The following KRTAP3-2 variants were observed in gnomAD, a reference collection of about 807,000 sequenced individuals.
KRTAP3-2 encodes keratin associated protein 3-2, also known as keratin-associated protein 3-2.
In KRTAP3-2, 2 loss-of-function variants were observed where a neutral mutation model predicts 5.4. The observed-to-expected ratio is 0.37, with a 90% CI of 0.15 to 1.17. The LOEUF is 1.17. Ranked by LOEUF, KRTAP3-2 falls within the 50% of genes most tolerant of loss-of-function variation. KRTAP3-2 has a pLI of 0.37. For synonymous variants in KRTAP3-2, 49 were observed against 48.0 expected (o/e 1.02, Z -0.08); for missense variants, 113 against 122.0 (o/e 0.93, Z 0.35).
At position 40,999,775 on chromosome 17, in the gene KRTAP3-2, G is replaced by C; in HGVS notation, c.79C>G (p.Arg27Gly). 6.2e-7 allele frequency: 1 copy of C among 1,613,380 alleles called. No individual in the cohort carries two copies. Among genetic ancestry groups the C allele is most frequent in the Non-Finnish European group, 8.5e-7 (1 of 1,179,592 alleles). ...TTICSSDKSC[R>G]CGVCLPSTCP... Reference sequence around the variant, plus strand: ...GTGCTGGGCAGGCAGACTCCACAGCGGCAGGATTTGTCGGAGGAGCAGATG... The same window carrying C: ...GTGCTGGGCAGGCAGACTCCACAGCCGCAGGATTTGTCGGAGGAGCAGATG... Residue 27 changes from arginine (R) to glycine (G), a missense_variant, in exon 1 of 1, where the codon CGC becomes GGC. Physicochemically the swap from Arg to Gly is moderately radical, Grantham distance 125 (BLOSUM62 -2). Coordinates refer to ENST00000391587, the MANE Select transcript of KRTAP3-2 (RefSeq NM_031959.3).
Position 40,999,609 on chromosome 17 carries a change from A to T in KRTAP3-2, c.245T>A (p.Leu82His), listed in dbSNP as rs1156352757. ...QPTPGLETLNLTTFTQPCCEP... is the reference protein window; with the variant it reads ...QPTPGLETLNHTTFTQPCCEP... ...ACAGCAGGGCTGAGTGAAGGTGGTG[A>T]GGTTGAGGGTCTCCAGGCCCGGAGT... The change falls in exon 1 of 1, where the codon CTC becomes CAC. Residue 82 changes from leucine (L) to histidine (H), a missense_variant. Coordinates refer to ENST00000391587, the MANE Select transcript of KRTAP3-2 (RefSeq NM_031959.3). The T allele has an allele frequency of 6.2e-7, 1 of 1,613,596 alleles. No homozygotes were observed. The highest frequency in any genetic ancestry group is 8.5e-7 in the Non-Finnish European group (1 of 1,179,882).
At position 40,999,726 on chromosome 17, in the gene KRTAP3-2, A is replaced by G. The variant is rs1476683448; in HGVS notation, c.128T>C (p.Leu43Pro). Residue 43 changes from leucine to proline, a missense_variant, in exon 1 of 1, where the codon CTG becomes CCG. Coordinates refer to ENST00000391587, the MANE Select transcript of KRTAP3-2 (RefSeq NM_031959.3). ...ACAGTTGTCACAGCAGATGGGCTCCAGTAACCAAACTGTGTGTGGGCAGGT... is the reference window on the plus strand; with the variant it reads ...ACAGTTGTCACAGCAGATGGGCTCCGGTAACCAAACTGTGTGTGGGCAGGT... ...PSTCPHTVWL[L>P]EPICCDNCPP... The G allele has an allele frequency of 2.5e-6, 4 of 1,613,986 alleles. No individual in the cohort carries two copies. The highest frequency in any genetic ancestry group is 3.4e-6 in the Non-Finnish European group (4 of 1,180,038).
chr17:40,999,468 A>C lies in KRTAP3-2; in HGVS notation c.*89T>G. On this transcript the variant is annotated 3_prime_UTR_variant, in exon 1 of 1. Transcript: ENST00000391587. ...ATATCTGGGTCATCTGGTCTACCTT[A>C]ACATCTGGCAAACTACTGAGGCAAG... is the stretch of plus-strand genomic sequence containing the variant. 1 of 1,546,724 alleles carries C rather than the reference A, an allele frequency of 6.5e-7. No individual in the cohort carries two copies. Among genetic ancestry groups the C allele is most frequent in the Non-Finnish European group, 8.8e-7 (1 of 1,139,260 alleles).
chr17:40,999,430 A>G lies in KRTAP3-2; in HGVS notation c.*127T>C. 2.2e-6 allele frequency: 3 copies of G among 1,355,010 alleles called. No homozygotes were observed. Among genetic ancestry groups the G allele is most frequent in the Non-Finnish European group, 3.0e-6 (3 of 999,722 alleles). The allele number at this position is 1,355,010 out of a possible 1,614,324, so 83.9% of individuals were successfully genotyped here. On this transcript the variant is annotated 3_prime_UTR_variant, in exon 1 of 1. Coordinates refer to ENST00000391587, the MANE Select transcript of KRTAP3-2 (RefSeq NM_031959.3). ...TCTTTTTTTCCCCCATTAAAACCAA[A>G]GGTAAGTTCTTCATATCTGGGTCAT... is the stretch of plus-strand genomic sequence containing the variant.
At position 40,999,415 on chromosome 17, in the gene KRTAP3-2, C is replaced by T. The variant is rs1382687055; in HGVS notation, c.*142G>A. The stretch of plus-strand genomic sequence containing the variant: ...CATAAAAAATACTTTTCTTTTTTTC[C>T]CCCATTAAAACCAAAGGTAAGTTCT... On this transcript the variant is annotated 3_prime_UTR_variant, in exon 1 of 1. Transcript: ENST00000391587. 4.0e-6 allele frequency: 5 copies of T among 1,243,924 alleles called. No individual in the cohort carries two copies. The highest frequency in any genetic ancestry group is 5.7e-5 in the Admixed American group (2 of 35,054). The allele number at this position is 1,243,924 out of a possible 1,614,324, so 77.1% of individuals were successfully genotyped here.
Position 40,999,889 on chromosome 17 carries a change from A to G in KRTAP3-2, c.-36T>C, listed in dbSNP as rs1189600278. On this transcript the variant is annotated 5_prime_UTR_variant, in exon 1 of 1. Coordinates refer to ENST00000391587, the MANE Select transcript of KRTAP3-2 (RefSeq NM_031959.3). Reference sequence around the variant, plus strand: ...GTCTGGTTAGCTTTCAGTTTCTTAGATGAGGATTCTGAGGTACAAATGTCT... The same window carrying G: ...GTCTGGTTAGCTTTCAGTTTCTTAGGTGAGGATTCTGAGGTACAAATGTCT... The G allele has an allele frequency of 6.2e-7, 1 of 1,610,398 alleles. No homozygotes were observed. Among genetic ancestry groups the G allele is most frequent in the South Asian group, 1.1e-5 (1 of 90,524 alleles).
Position 40,999,865 on chromosome 17 carries a change from T to C in KRTAP3-2, c.-12A>G. On this transcript the variant is annotated 5_prime_UTR_variant, in exon 1 of 1. Coordinates refer to ENST00000391587, the MANE Select transcript of KRTAP3-2 (RefSeq NM_031959.3). ...GCACAGCAATCCATGGCAATGGGCG[T>C]CTGGTTAGCTTTCAGTTTCTTAGAT... is the stretch of plus-strand genomic sequence containing the variant. 4 of 1,613,726 alleles carry C rather than the reference T, an allele frequency of 2.5e-6. No individual in the cohort carries two copies. Among genetic ancestry groups the C allele is most frequent in the Non-Finnish European group, 3.4e-6 (4 of 1,179,704 alleles).
Position 40,999,526 on chromosome 17 carries a change from G to A in KRTAP3-2, c.*31C>T, listed in dbSNP as rs1044457141. 8.1e-6 allele frequency: 13 copies of A among 1,606,476 alleles called. No homozygotes were observed. Among genetic ancestry groups the A allele is most frequent in the East Asian group, 2.2e-5 (1 of 44,748 alleles). On this transcript the variant is annotated 3_prime_UTR_variant, in exon 1 of 1. Transcript: ENST00000391587. ...TGAAGGGACAGCTTCTGGATTCTTC[G>A]TTGTCGGGCACTGAGCAAAGTAGCC...
Position 40,999,625 on chromosome 17 carries a change from G to A in KRTAP3-2, c.229C>T (p.Leu77=), listed in dbSNP as rs773868784. Residue 77 remains leucine (L), a synonymous_variant, in exon 1 of 1, where the codon CTG becomes TTG. Coordinates refer to ENST00000391587, the MANE Select transcript of KRTAP3-2 (RefSeq NM_031959.3). ...LLNSCQPTPG[L]ETLNLTTFTQ... is the part of the protein sequence containing the mutation. Reference sequence around the variant, plus strand: ...AAGGTGGTGAGGTTGAGGGTCTCCAGGCCCGGAGTTGGCTGGCAGGAGTTG... The same window carrying A: ...AAGGTGGTGAGGTTGAGGGTCTCCAAGCCCGGAGTTGGCTGGCAGGAGTTG... 4.3e-6 allele frequency: 7 copies of A among 1,613,912 alleles called. No individual in the cohort carries two copies. In the South Asian group the frequency reaches 7.7e-5, roughly 18 times the overall value.
In KRTAP3-2 at chr17:40,999,842, A is replaced by G. The variant is rs2011772251; in HGVS notation, c.12T>C (p.Cys4=). The part of the protein sequence containing the change: MDC[C]ASRSCSVPTG... ...TGGGGACACTGCAGCTGCGAGAGGCACAGCAATCCATGGCAATGGGCGTCT... is the reference window on the plus strand; with the variant it reads ...TGGGGACACTGCAGCTGCGAGAGGCGCAGCAATCCATGGCAATGGGCGTCT... The change falls in exon 1 of 1, where the codon TGT becomes TGC. Residue 4 remains cysteine (C), a synonymous_variant. Transcript: ENST00000391587. 6.2e-7 allele frequency: 1 copy of G among 1,613,996 alleles called. No individual in the cohort carries two copies. The highest frequency in any genetic ancestry group is 1.3e-5 in the African/African-American group (1 of 74,914).
rs2011751290 is a variant in KRTAP3-2 at position 40,999,426 on chromosome 17, C to T, written c.*131G>A. ...CTTTTCTTTTTTTCCCCCATTAAAA[C>T]CAAAGGTAAGTTCTTCATATCTGGG... On this transcript the variant is annotated 3_prime_UTR_variant, in exon 1 of 1. Coordinates refer to ENST00000391587, the MANE Select transcript of KRTAP3-2 (RefSeq NM_031959.3). 4.5e-6 allele frequency: 6 copies of T among 1,341,224 alleles called. No homozygotes were observed. The highest frequency in any genetic ancestry group is 6.1e-6 in the Non-Finnish European group (6 of 989,994). 83.1% of individuals were successfully genotyped at this position (1,341,224 alleles called of 1,614,324 possible).
chr17:40,999,208 A>C lies in KRTAP3-2; in HGVS notation c.*349T>G. 3.9e-6 allele frequency: 1 copy of C among 259,224 alleles called. No individual in the cohort carries two copies. The highest frequency in any genetic ancestry group is 7.3e-6 in the Non-Finnish European group (1 of 137,442). The allele number at this position is 259,224 out of a possible 1,614,324, so 16.1% of individuals were successfully genotyped here. ...ATGACACATCTTGCCAGAGAAATATAGTTTATTGGAAAACCCACCAAGAAA... is the reference window on the plus strand; with the variant it reads ...ATGACACATCTTGCCAGAGAAATATCGTTTATTGGAAAACCCACCAAGAAA... On this transcript the variant is annotated 3_prime_UTR_variant, in exon 1 of 1. Transcript: ENST00000391587.
chr17:40,999,537 C>A lies in KRTAP3-2; in HGVS notation c.*20G>T. On this transcript the variant is annotated 3_prime_UTR_variant, in exon 1 of 1. Transcript: ENST00000391587. ...CTTCTGGATTCTTCGTTGTCGGGCA[C>A]TGAGCAAAGTAGCCATCCATCAGCA... 6.2e-7 allele frequency: 1 copy of A among 1,611,454 alleles called. No homozygotes were observed. Among genetic ancestry groups the A allele is most frequent in the Non-Finnish European group, 8.5e-7 (1 of 1,178,068 alleles).
Position 40,999,632 on chromosome 17 carries a change from A to G in KRTAP3-2, c.222T>C (p.Thr74=), listed in dbSNP as rs2011762167. 26 of 1,613,726 alleles carry G rather than the reference A, an allele frequency of 1.6e-5. No homozygotes were observed. Among genetic ancestry groups the G allele is most frequent in the Non-Finnish European group, 2.0e-5 (24 of 1,179,924 alleles). ...TCFLLNSCQP[T]PGLETLNLTT... ...TGAGGTTGAGGGTCTCCAGGCCCGG[A>G]GTTGGCTGGCAGGAGTTGAGCAGGA... Residue 74 remains threonine (T), a synonymous_variant, in exon 1 of 1, where the codon ACT becomes ACC. Coordinates refer to ENST00000391587, the MANE Select transcript of KRTAP3-2 (RefSeq NM_031959.3).
Position 40,999,567 on chromosome 17 carries a change from C to T in KRTAP3-2, c.287G>A (p.Arg96Lys). 1 of 1,613,788 alleles carries T rather than the reference C, an allele frequency of 6.2e-7. No individual in the cohort carries two copies. Among genetic ancestry groups the T allele is most frequent in the Non-Finnish European group, 8.5e-7 (1 of 1,179,778 alleles). Residue 96 changes from arginine to lysine, a missense_variant, in exon 1 of 1, where the codon AGA becomes AAA. Coordinates refer to ENST00000391587, the MANE Select transcript of KRTAP3-2 (RefSeq NM_031959.3). ...CAAAGTAGCCATCCATCAGCAGCCTCTTGGGAGGCAGGGCTCACAGCAGGG... is the reference window on the plus strand; with the variant it reads ...CAAAGTAGCCATCCATCAGCAGCCTTTTGGGAGGCAGGGCTCACAGCAGGG... Reference protein sequence around the residue: ...TQPCCEPCLPRGC With the variant: ...TQPCCEPCLPKGC
Position 40,999,760 on chromosome 17 carries a change from G to A in KRTAP3-2, c.94C>T (p.Leu32=). 1 of 1,614,124 alleles carries A rather than the reference G, an allele frequency of 6.2e-7. No individual in the cohort carries two copies. Among genetic ancestry groups the A allele is most frequent in the East Asian group, 2.2e-5 (1 of 44,888 alleles). The change falls in exon 1 of 1, where the codon CTG becomes TTG. Residue 32 remains leucine (L), a synonymous_variant. Transcript: ENST00000391587. ...SDKSCRCGVC[L]PSTCPHTVWL... Reference sequence around the variant, plus strand: ...ACTGTGTGTGGGCAGGTGCTGGGCAGGCAGACTCCACAGCGGCAGGATTTG... The same window carrying A: ...ACTGTGTGTGGGCAGGTGCTGGGCAAGCAGACTCCACAGCGGCAGGATTTG...
In KRTAP3-2 at chr17:40,999,830, G is replaced by T. The variant is rs775558921; in HGVS notation, c.24C>A (p.Ser8Arg). 5.6e-6 allele frequency: 9 copies of T among 1,614,054 alleles called. No homozygotes were observed. The Admixed American group carries it at 1.5e-4, about 27-fold the overall frequency. Residue 8 changes from serine to arginine, a missense_variant, in exon 1 of 1, where the codon AGC (serine) becomes AGA (arginine). Ser to Arg is a moderately radical substitution (Grantham distance 110, BLOSUM62 -1). Coordinates refer to ENST00000391587, the MANE Select transcript of KRTAP3-2 (RefSeq NM_031959.3). ...TGGCAGGCCCAGTGGGGACACTGCAGCTGCGAGAGGCACAGCAATCCATGG... is the reference window on the plus strand; with the variant it reads ...TGGCAGGCCCAGTGGGGACACTGCATCTGCGAGAGGCACAGCAATCCATGG... MDCCASRSCSVPTGPATT... is the reference protein window; with the variant it reads MDCCASRRCSVPTGPATT...
Position 40,999,513 on chromosome 17 carries a change from T to C in KRTAP3-2, c.*44A>G. On this transcript the variant is annotated 3_prime_UTR_variant, in exon 1 of 1. Transcript: ENST00000391587. ...GGCAAGTGAATACTGAAGGGACAGCTTCTGGATTCTTCGTTGTCGGGCACT... is the reference window on the plus strand; with the variant it reads ...GGCAAGTGAATACTGAAGGGACAGCCTCTGGATTCTTCGTTGTCGGGCACT... 6.2e-7 allele frequency: 1 copy of C among 1,600,384 alleles called. No homozygotes were observed. Among genetic ancestry groups the C allele is most frequent in the African/African-American group, 1.3e-5 (1 of 74,894 alleles).
Position 40,999,880 on chromosome 17 carries a change from G to C in KRTAP3-2, c.-27C>G, listed in dbSNP as rs1471563571. 6.2e-7 allele frequency: 1 copy of C among 1,612,336 alleles called. No homozygotes were observed. Among genetic ancestry groups the C allele is most frequent in the Non-Finnish European group, 8.5e-7 (1 of 1,178,790 alleles). On this transcript the variant is annotated 5_prime_UTR_variant, in exon 1 of 1. Transcript: ENST00000391587. ...GCAATGGGCGTCTGGTTAGCTTTCA[G>C]TTTCTTAGATGAGGATTCTGAGGTA...
Sources: gnomAD v4.1 joint callset for allele counts on GRCh38, gnomAD v4.1.1 for gene constraint, MANE v1.5 for transcripts, NCBI Gene and HGNC (gene_info 2026-07-23, HGNC 2026-07-21) for gene names.